The following CCDC152 variants were observed in gnomAD, a reference collection of about 807,000 sequenced individuals.
CCDC152 encodes the protein coiled-coil domain-containing protein 152.
CCDC152 carries 37 observed loss-of-function variants against 38.1 expected under a neutral mutation model. The ratio of observed to expected loss-of-function variants is 0.97; its 90% confidence interval spans 0.75 to 1.28. The LOEUF is 1.28. Among genes scored for constraint, CCDC152 ranks in the 50% most tolerant of loss-of-function variants. The pLI is 0.00. For synonymous variants in CCDC152, 83 were observed against 87.1 expected, an observed-to-expected ratio of 0.95 and a Z score of 0.26; for missense variants, 259 against 292.1, an observed-to-expected ratio of 0.89 and a Z score of 0.83.
intron 4 of CCDC152, among the ~76,000 whole-genome samples, chr5:42,774,001 G>A (rs963783013): frequency 1.3e-5 from 2 of 152,114 alleles, no homozygotes; most frequent in African/African-American, 4.8e-5. Flanking sequence ...AAACATATAA[G>A]GATCTCAGAA....
intron 4 of CCDC152, among the ~76,000 whole-genome samples, chr5:42,776,935 G>A (rs904110335): frequency 1.5e-4 from 23 of 152,106 alleles, no homozygotes; most frequent in Admixed American, 8.5e-4. Context: ...TATTTATAGC[G>A]TTAAATGTGC....
At chr5:42,797,762 C>G (rs1444516927) in intron 7 of CCDC152, among the ~76,000 whole-genome samples, 1 of 151,934 alleles carries the variant, frequency 6.6e-6, no homozygotes, top group Non-Finnish European at 1.5e-5. Flanking sequence ...AATATATATC[C>G]TGGGGGCAAA....
intron 4 of CCDC152, 74 bp downstream of exon 4, chr5:42,769,739 CATGGTTG>C: frequency 7.1e-7 from 1 of 1,400,404 alleles, no homozygotes; most frequent in Non-Finnish European, 9.4e-7. Context: ...GAAGTTTTTA[CATGGTTG>C]ATAATAAATT....
At chr5:42,799,315 T>C (rs1760127024) in intron 7 of CCDC152, 60 bp from the exon 8 acceptor site, 1 of 864,840 alleles carries the variant, frequency 1.2e-6, no homozygotes, top group East Asian at 2.7e-5. Context: ...ATTATAATTA[T>C]AGAAACAATT....
chr5:42,762,163 A>G (rs2111936520), intron 2 of CCDC152, among the ~76,000 whole-genome samples: 1 of 152,348 alleles, frequency 6.6e-6, no homozygotes, highest in Non-Finnish European at 1.5e-5. Flanking sequence ...AAGTATTTGT[A>G]TATCTAAACA....
intron 2 of CCDC152, among the ~76,000 whole-genome samples, chr5:42,760,633 G>A (rs1408208414): frequency 6.6e-6 from 1 of 152,148 alleles, no homozygotes; most frequent in Non-Finnish European, 1.5e-5. Flanking sequence ...GTGGGAGGGA[G>A]GCTAATATCT....
chr5:42,793,252 G>A (rs1358899118), intron 6 of CCDC152, among the ~76,000 whole-genome samples: 2 of 152,086 alleles, frequency 1.3e-5, no homozygotes, highest in Admixed American at 6.6e-5. Context: ...TTATGGTGAC[G>A]AAAATCAGAT....
At chr5:42,773,309 A>G (rs968999744) in intron 4 of CCDC152, among the ~76,000 whole-genome samples, 1 of 152,216 alleles carries the variant, frequency 6.6e-6, no homozygotes, top group Non-Finnish European at 1.5e-5. Flanking sequence ...ATTCAATGAG[A>G]TGTAGAAAAA....
chr5:42,791,245 C>T (rs1363602547), intron 6 of CCDC152, among the ~76,000 whole-genome samples: 5 of 152,214 alleles, frequency 3.3e-5, no homozygotes. Context: ...ACTATCTCTA[C>T]AACTACCTGC....
At chr5:42,773,456 TTCTC>T (rs1426046343) in intron 4 of CCDC152, among the ~76,000 whole-genome samples, 1 of 152,236 alleles carries the variant, frequency 6.6e-6, no homozygotes, top group Non-Finnish European at 1.5e-5. Context: ...ACAAGGTTCT[TTCTC>T]TGAGGAGAAT....
At position 42,781,551 on chromosome 5, in the gene CCDC152, G is replaced by GCACA. The variant is rs753951581; in HGVS notation, c.328-1922_328-1921insACAC. Among the ~76,000 whole-genome samples the GCACA allele has an allele frequency of 3.9e-3, 581 of 147,580 alleles. 5 individuals carry two copies. The Middle Eastern group carries it at 0.049, about 12-fold the overall frequency. The stretch of plus-strand genomic sequence containing the variant: ...AATCCTCACTGAGAAAAATGCGCGC[G>GCACA]CGCGCACACACACACACACACACAC... On this transcript the variant is annotated intron_variant, in intron 5 of 8. Coordinates refer to ENST00000361970, the MANE Select transcript of CCDC152 (RefSeq NM_001134848.2).
At chr5:42,781,578 C>CAT (rs1246826693) in intron 5 of CCDC152, among the ~76,000 whole-genome samples, 74 of 152,064 alleles carry the variant, frequency 4.9e-4, no homozygotes, top group African/African-American at 1.8e-3. Context: ...CACACACACA[C>CAT]ACATACACAC....
chr5:42,785,155 T>A (rs909078406), intron 6 of CCDC152, among the ~76,000 whole-genome samples: 1 of 152,100 alleles, frequency 6.6e-6, no homozygotes, highest in African/African-American at 2.4e-5. Flanking sequence ...CATTGTTAAT[T>A]TGATAGAAAT....
chr5:42,793,602 G>A (rs1760034290), intron 6 of CCDC152, among the ~76,000 whole-genome samples: 1 of 152,010 alleles, frequency 6.6e-6, no homozygotes, highest in South Asian at 2.1e-4. Context: ...TAAAGAACTT[G>A]GGGAATTTTC....
At chr5:42,762,643 T>C in intron 3 of CCDC152, 95 bp downstream of exon 3, 2 of 722,214 alleles carry the variant, frequency 2.8e-6, no homozygotes, top group Non-Finnish European at 4.8e-6. Context: ...GTAAAGTGTT[T>C]TAAGTCCACA....
chr5:42,763,975 A>G (rs1310700198), intron 3 of CCDC152, among the ~76,000 whole-genome samples: 1 of 152,214 alleles, frequency 6.6e-6, no homozygotes, highest in East Asian at 1.9e-4. Flanking sequence ...TTTTTGGAGC[A>G]GTTTTAGGTT....
At chr5:42,758,190 A>G (rs1394713627) in intron 1 of CCDC152, among the ~76,000 whole-genome samples, 1 of 152,260 alleles carries the variant, frequency 6.6e-6, no homozygotes, top group Non-Finnish European at 1.5e-5. Context: ...AATAATTGCT[A>G]ATGCAAAATA....
chr5:42,778,686 T>C (rs1475193444), intron 4 of CCDC152, among the ~76,000 whole-genome samples: 1 of 152,176 alleles, frequency 6.6e-6, no homozygotes, highest in East Asian at 1.9e-4. Context: ...CATTGCTTCC[T>C]TTTTTCCATA....
intron 2 of CCDC152, among the ~76,000 whole-genome samples, chr5:42,760,693 C>T (rs376770347): frequency 6.6e-6 from 1 of 152,076 alleles, no homozygotes; most frequent in Non-Finnish European, 1.5e-5. Flanking sequence ...TCCTTCTTTT[C>T]GTCAGCACAC....
Sources: gnomAD v4.1 joint callset for allele counts (sites outside exome capture counted in the v4.1 genomes callset) on GRCh38, gnomAD v4.1.1 for gene constraint, MANE v1.5 for transcripts, NCBI Gene and HGNC (gene_info 2026-07-23, HGNC 2026-07-21) for gene names.